BCAS3: variants seen among roughly 807,000 people sequenced by gnomAD.
BCAS3 encodes BCAS3 microtubule associated cell migration factor, also known as BCAS4/BCAS3 fusion.
In BCAS3, 53 loss-of-function variants were observed where a neutral mutation model predicts 116.1. The observed-to-expected ratio is 0.46, with a 90% CI of 0.37 to 0.57. The LOEUF is 0.57. BCAS3 is among the 20% of genes least tolerant of loss of function. The pLI is 0.00. For synonymous variants in BCAS3, 391 were observed against 408.2 expected (o/e 0.96, Z 0.51); for missense variants, 917 against 1,165.4 (o/e 0.79, Z 3.10).
intron 13 of BCAS3, 68 bp from the exon 14 acceptor site, chr17:60,947,151 G>A: frequency 6.9e-7 from 1 of 1,441,550 alleles, no homozygotes; most frequent in East Asian, 2.3e-5. Flanking sequence ...ATTGTGAATA[G>A]CTTTTTAGAA....
chr17:61,236,181 T>A (rs1816630926), intron 22 of BCAS3, among the ~76,000 whole-genome samples: 1 of 152,208 alleles, frequency 6.6e-6, no homozygotes, highest in African/African-American at 2.4e-5. Context: ...CCTGGCAACA[T>A]CTGTCCCCAC....
intron 14 of BCAS3, among the ~76,000 whole-genome samples, chr17:60,973,092 A>C (rs563734113): frequency 6.6e-6 from 1 of 152,282 alleles, no homozygotes; most frequent in South Asian, 2.1e-4. Context: ...TTTTAAAATC[A>C]GTGTTTATTT....
At position 60,993,681 on chromosome 17, in the gene BCAS3, G is replaced by C. The variant is rs563597729; in HGVS notation, c.1486+3446G>C. On this transcript the variant is annotated intron_variant, in intron 15 of 23. Coordinates refer to ENST00000407086, the MANE Select transcript of BCAS3 (RefSeq NM_017679.5). The surrounding 1 kb of genome is among the most constrained non-coding windows in gnomAD (Gnocchi z 4.2). The stretch of plus-strand genomic sequence containing the variant: ...TTGTGTGGGTAAACAGTCTGATGCT[G>C]GTCAAAAACAATGTAAACCATTGAA... Among the ~76,000 whole-genome samples, 82 of 152,134 alleles carry C rather than the reference G, an allele frequency of 5.4e-4. 1 individual carries two copies. The South Asian group carries it at 0.013, about 23-fold the overall frequency.
Position 61,034,687 on chromosome 17 carries a change from A to G in BCAS3, c.1659A>G (p.Gln553=). The stretch of plus-strand genomic sequence containing the variant: ...TAAGCAAAGTTAAACCTCCTCCACA[A>G]ATTTCACCCAGCAAATCGATGGGCG... The part of the protein sequence containing the change: ...KRTGKVKPPP[Q]ISPSKSMGGE... The change falls in exon 17 of 24, where the codon CAA becomes CAG. Residue 553 remains glutamine (Q), a synonymous_variant. Transcript: ENST00000407086. The surrounding 1 kb of genome is among the most constrained non-coding windows in gnomAD (Gnocchi z 5.0). 2 of 1,609,732 alleles carry G rather than the reference A, an allele frequency of 1.2e-6. No homozygotes were observed. Among genetic ancestry groups the G allele is most frequent in the Non-Finnish European group, 1.7e-6 (2 of 1,177,318 alleles).
intron 22 of BCAS3, among the ~76,000 whole-genome samples, chr17:61,319,915 G>A (rs1207509087): frequency 6.7e-5 from 9 of 133,744 alleles, no homozygotes; most frequent in Non-Finnish European, 1.2e-4. Context: ...TTTTGAGATA[G>A]AGTCTTGCTC....
chr17:61,034,906 T>G lies in BCAS3; in HGVS notation c.1762+116T>G. ...CCCAGTAGTCTGGAAACCAATTTTTTTAATGTAATTAGCATGTCACTTCTC... is the reference window on the plus strand; with the variant it reads ...CCCAGTAGTCTGGAAACCAATTTTTGTAATGTAATTAGCATGTCACTTCTC... On this transcript the variant is annotated intron_variant, in intron 17 of 23. Transcript: ENST00000407086. This position sits in a 1 kb window ranked among gnomAD's most constrained non-coding sequence, Gnocchi z 5.0. 1.1e-6 allele frequency: 1 copy of G among 915,522 alleles called. No homozygotes were observed. Among genetic ancestry groups the G allele is most frequent in the African/African-American group, 1.7e-5 (1 of 58,534 alleles). The allele number at this position is 915,522 out of a possible 1,614,324, so 56.7% of individuals were successfully genotyped here. A position where few individuals can be genotyped will look rare whatever the true frequency, so the allele number is the denominator to read the frequency against.
chr17:61,321,798 G>GGA (rs1160995018), intron 22 of BCAS3, among the ~76,000 whole-genome samples: 1 of 152,096 alleles, frequency 6.6e-6, no homozygotes, highest in Non-Finnish European at 1.5e-5. Context: ...GGGATAGTGG[G>GGA]GAGAACCCTG....
intron 22 of BCAS3, among the ~76,000 whole-genome samples, chr17:61,148,462 C>G (rs768774522): frequency 5.9e-5 from 9 of 152,194 alleles, no homozygotes; most frequent in Non-Finnish European, 1.2e-4. Context: ...CAGCAAATTA[C>G]CTACATTTAA....
intron 22 of BCAS3, among the ~76,000 whole-genome samples, chr17:61,270,609 C>T (rs1485444862): frequency 1.5e-4 from 23 of 152,282 alleles, no homozygotes; most frequent in Non-Finnish European, 5.9e-5. Flanking sequence ...TCCTATTTGT[C>T]TACTTTTGCT....
intron 7 of BCAS3, among the ~76,000 whole-genome samples, chr17:60,809,270 C>CAAA (rs539614540): frequency 1.1e-4 from 8 of 73,952 alleles, no homozygotes; most frequent in African/African-American, 3.1e-4. Context: ...GACTCTGTCT[C>CAAA]AAAAAAAAAA....
intron 6 of BCAS3, among the ~76,000 whole-genome samples, chr17:60,772,982 A>G (rs142821537): frequency 6.6e-6 from 1 of 152,330 alleles, no homozygotes; most frequent in African/African-American, 2.4e-5. Context: ...AATATCAAGG[A>G]GCATGCTTTT....
intron 13 of BCAS3, among the ~76,000 whole-genome samples, chr17:60,928,601 C>T (rs1311904468): frequency 6.6e-6 from 1 of 152,150 alleles, no homozygotes; most frequent in Non-Finnish European, 1.5e-5. Flanking sequence ...TACAATTCTT[C>T]TTAATTATTT....
chr17:60,892,312 A>ACT (rs2057211392), intron 10 of BCAS3, among the ~76,000 whole-genome samples: 1 of 126,800 alleles, frequency 7.9e-6, no homozygotes, highest in South Asian at 2.6e-4. Context: ...TTTTTGACTT[A>ACT]TTTTTTTTTT....
intron 22 of BCAS3, among the ~76,000 whole-genome samples, chr17:61,112,850 C>A (rs554703020): frequency 1.3e-5 from 2 of 151,598 alleles, no homozygotes; most frequent in East Asian, 3.9e-4. Flanking sequence ...AAGCTCTCCT[C>A]AGCAAATGTA....
chr17:60,789,703 T>A (rs1248531765), intron 6 of BCAS3, among the ~76,000 whole-genome samples: 3 of 152,118 alleles, frequency 2.0e-5, no homozygotes, highest in East Asian at 3.8e-4. Context: ...ACACACAATT[T>A]TATATATAAA....
intron 22 of BCAS3, among the ~76,000 whole-genome samples, chr17:61,305,314 G>A (rs761640374): frequency 6.6e-6 from 1 of 152,070 alleles, no homozygotes; most frequent in Non-Finnish European, 1.5e-5. Flanking sequence ...GAGTGGGAAA[G>A]GCAGCAGAGT....
intron 22 of BCAS3, among the ~76,000 whole-genome samples, chr17:61,360,974 T>C (rs2058425525): frequency 6.6e-6 from 1 of 152,248 alleles, no homozygotes; most frequent in African/African-American, 2.4e-5. Context: ...GTATAACTGC[T>C]GACTGTTATC....
chr17:60,787,236 A>G (rs1366592531), intron 6 of BCAS3, among the ~76,000 whole-genome samples: 1 of 152,182 alleles, frequency 6.6e-6, no homozygotes, highest in African/African-American at 2.4e-5. Context: ...GTTGTAATCT[A>G]TACCCCTGTA....
intron 22 of BCAS3, among the ~76,000 whole-genome samples, chr17:61,182,817 C>T (rs967763104): frequency 2.6e-5 from 4 of 152,222 alleles, no homozygotes; most frequent in Admixed American, 6.5e-5. Context: ...TCCATGTTGT[C>T]GAATGTAGAG....
Sources: gnomAD v4.1 joint callset for allele counts (sites outside exome capture counted in the v4.1 genomes callset) on GRCh38, gnomAD v4.1.1 for gene constraint, Gnocchi (gnomAD v3.1) non-coding constraint, MANE v1.5 for transcripts, NCBI Gene and HGNC (gene_info 2026-07-23, HGNC 2026-07-21) for gene names.